RNF180: variants seen among roughly 807,000 people sequenced by gnomAD.
The protein encoded by RNF180 is E3 ubiquitin-protein ligase RNF180.
In RNF180, 38 loss-of-function variants were observed where a neutral mutation model predicts 59.2. The observed-to-expected ratio is 0.64, with a 90% CI of 0.50 to 0.84. The LOEUF (loss-of-function observed/expected upper bound fraction) is 0.84. RNF180 is among the 40% of genes least tolerant of loss of function. The probability of loss-of-function intolerance (pLI) is 0.00; values close to 1 mark genes in which losing one functional copy is unlikely to be tolerated. For missense variants in RNF180, 705 were observed against 700.9 expected (o/e 1.01, Z -0.07); for synonymous variants, 262 against 240.3 (o/e 1.09, Z -0.84).
At chr5:64,181,493 G>A (rs966344729) in intron 1 of RNF180, among the ~76,000 whole-genome samples, 1 of 152,184 alleles carries the variant, frequency 6.6e-6, no homozygotes, top group Non-Finnish European at 1.5e-5. Flanking sequence ...AAAACAGGTA[G>A]GCAATAAAGG....
intron 5 of RNF180, among the ~76,000 whole-genome samples, chr5:64,295,094 G>GTA (rs1430103315): frequency 6.6e-6 from 1 of 152,120 alleles, no homozygotes; most frequent in African/African-American, 2.4e-5. Flanking sequence ...ATGATGTTGA[G>GTA]TATATAAGTT....
At chr5:64,176,458 C>T (rs963506911) in intron 1 of RNF180, among the ~76,000 whole-genome samples, 3 of 152,022 alleles carry the variant, frequency 2.0e-5, no homozygotes, top group Non-Finnish European at 4.4e-5. Context: ...GAAAAAATCC[C>T]TTTTTGTGGG....
intron 2 of RNF180, among the ~76,000 whole-genome samples, chr5:64,210,127 T>C (rs899416080): frequency 6.6e-6 from 1 of 152,160 alleles, no homozygotes; most frequent in Non-Finnish European, 1.5e-5. Context: ...TTCTTAAGTT[T>C]AGCGTGTATG....
At chr5:64,237,716 A>T (rs980208247) in intron 5 of RNF180, among the ~76,000 whole-genome samples, 4 of 152,092 alleles carry the variant, frequency 2.6e-5, no homozygotes, top group Admixed American at 2.6e-4. Flanking sequence ...TTGGGTGGGA[A>T]GTGATTGGAT....
intron 1 of RNF180, among the ~76,000 whole-genome samples, chr5:64,168,473 T>G (rs1457337428): frequency 6.6e-6 from 1 of 152,216 alleles, no homozygotes; most frequent in African/African-American, 2.4e-5. Flanking sequence ...TGTGCACATT[T>G]GCATGTAATC....
intron 1 of RNF180, among the ~76,000 whole-genome samples, chr5:64,184,483 G>A (rs948845833): frequency 2.6e-5 from 4 of 152,082 alleles, no homozygotes; most frequent in Admixed American, 6.6e-5. Context: ...TTTTAGCACT[G>A]TGCTTCTATA....
In RNF180 at chr5:64,358,305, CATTGGACAA is replaced by C. The variant is rs562581900; in HGVS notation, c.1580-11309_1580-11301del. Among the ~76,000 whole-genome samples the C allele has an allele frequency of 1.5e-3, 225 of 151,966 alleles. 1 individual carries two copies. Among genetic ancestry groups the C allele is most frequent in the African/African-American group, 5.2e-3 (216 of 41,544 alleles). On this transcript the variant is annotated intron_variant, in intron 7 of 7. Transcript: ENST00000389100. ...ATCCAGAAACAACACACGTAACTTT[CATTGGACAA>C]TCATTTTCATTGGTCAAGTCCCATG...
intron 7 of RNF180, among the ~76,000 whole-genome samples, chr5:64,342,823 T>C (rs554801166): frequency 2.3e-4 from 35 of 152,242 alleles, no homozygotes; most frequent in African/African-American, 6.5e-4. Context: ...TGCAGTCCCA[T>C]TGTGAACTCC....
rs567830493 is a variant in RNF180, at chr5:64,226,203, A to G, written c.1227+8807A>G. On this transcript the variant is annotated intron_variant, in intron 5 of 7. Coordinates refer to ENST00000389100, the MANE Select transcript of RNF180 (RefSeq NM_001113561.2). ...CCATCGAGAACGGGCCATGATGACAATGGCGGTTTTGTCGAAAAGAAAAGG... is the reference window on the plus strand; with the variant it reads ...CCATCGAGAACGGGCCATGATGACAGTGGCGGTTTTGTCGAAAAGAAAAGG... Among the ~76,000 whole-genome samples the G allele has an allele frequency of 3.8e-3, 572 of 152,296 alleles. 9 individuals are homozygous for G. The highest frequency in any genetic ancestry group is 0.013 in the African/African-American group (521 of 41,574).
At position 64,177,526 on chromosome 5, in the gene RNF180, CATATATATATATATATATATATATATAT is replaced by C. The variant is rs58046669; in HGVS notation, c.-1+11586_-1+11613del. On this transcript the variant is annotated intron_variant, in intron 1 of 7. Transcript: ENST00000389100. ...TTTTTTTCAAAGGCATAAATTATGC[CATATATATATATATATATATATATATAT>C]ATATATATATATGTATTTATTTCTT... Among the ~76,000 whole-genome samples, 13 of 105,238 alleles carry C rather than the reference CATATATATATATATATATATATATATAT, an allele frequency of 1.2e-4. 1 individual carries two copies. Among genetic ancestry groups the C allele is most frequent in the Middle Eastern group, 5.8e-3 (1 of 172 alleles). The allele number at this position is 105,238 out of a possible 152,430, so 69.0% of individuals were successfully genotyped here.
intron 4 of RNF180, among the ~76,000 whole-genome samples, chr5:64,214,795 G>A (rs1376072645): frequency 6.6e-6 from 1 of 152,012 alleles, no homozygotes; most frequent in Non-Finnish European, 1.5e-5. Flanking sequence ...ATTAACACTG[G>A]ATTGTTTTTT....
At chr5:64,331,752 C>T (rs1162376639) in intron 7 of RNF180, among the ~76,000 whole-genome samples, 5 of 152,138 alleles carry the variant, frequency 3.3e-5, no homozygotes, top group Admixed American at 6.6e-5. Context: ...AACACACCCC[C>T]GCCCCATGCT....
intron 1 of RNF180, among the ~76,000 whole-genome samples, chr5:64,178,380 C>G (rs1272705093): frequency 6.6e-6 from 1 of 152,022 alleles, no homozygotes; most frequent in African/African-American, 2.4e-5. Context: ...GGCAAGAGAG[C>G]CTTGATGTAG....
At chr5:64,193,205 A>G (rs947606803) in intron 1 of RNF180, among the ~76,000 whole-genome samples, 1 of 151,926 alleles carries the variant, frequency 6.6e-6, no homozygotes, top group African/African-American at 2.4e-5. Context: ...TACAGATCTG[A>G]TGTGCAATAT....
At chr5:64,319,380 A>G (rs1744227390) in intron 5 of RNF180, among the ~76,000 whole-genome samples, 1 of 152,132 alleles carries the variant, frequency 6.6e-6, no homozygotes, top group Non-Finnish European at 1.5e-5. Flanking sequence ...TATACATTAT[A>G]CTATTGTGTT....
At chr5:64,357,904 CTT>C (rs1746094339) in intron 7 of RNF180, among the ~76,000 whole-genome samples, 1 of 151,762 alleles carries the variant, frequency 6.6e-6, no homozygotes, top group Non-Finnish European at 1.5e-5. Context: ...ACAAGAGTAA[CTT>C]TGTAATTTTT....
At chr5:64,293,042 T>A (rs1296068518) in intron 5 of RNF180, among the ~76,000 whole-genome samples, 1 of 152,192 alleles carries the variant, frequency 6.6e-6, no homozygotes. Context: ...CCCTGTCTAC[T>A]CTGTCTCAGG....
chr5:64,270,312 A>G (rs1191097851), intron 5 of RNF180, among the ~76,000 whole-genome samples: 1 of 152,124 alleles, frequency 6.6e-6, no homozygotes, highest in East Asian at 1.9e-4. Flanking sequence ...TTTATCTTCA[A>G]TTTGACAGTA....
chr5:64,368,787 A>G (rs1033773204), intron 7 of RNF180, among the ~76,000 whole-genome samples: 13 of 151,930 alleles, frequency 8.6e-5, no homozygotes, highest in Non-Finnish European at 1.8e-4. Flanking sequence ...TTAGAATGGC[A>G]GTCATTAAAA....
Sources: allele counts gnomAD v4.1 joint callset (sites outside exome capture counted in the v4.1 genomes callset), GRCh38; gene constraint gnomAD v4.1.1; transcripts MANE v1.5; gene names NCBI Gene and HGNC (gene_info 2026-07-23, HGNC 2026-07-21).